Variants in KLHL1 observed in about 807,000 individuals in gnomAD.
KLHL1 encodes kelch-like protein 1.
KLHL1 carries 47 observed loss-of-function variants against 77.7 expected under a neutral mutation model. The ratio of observed to expected loss-of-function variants is 0.60; its 90% confidence interval spans 0.48 to 0.77. The LOEUF is 0.77. Ranked by LOEUF, KLHL1 falls within the 30% of genes least tolerant of loss-of-function variation. The pLI is 0.00. For synonymous variants in KLHL1, 360 were observed against 325.2 expected, an observed-to-expected ratio of 1.11 and a Z score of -1.15; for missense variants, 925 against 910.8, an observed-to-expected ratio of 1.02 and a Z score of -0.20.
chr13:69,785,513 G>T (rs7991370), intron 7 of KLHL1, among the ~76,000 whole-genome samples: 67,801 of 151,606 alleles, frequency 0.45, 15,742 homozygotes, highest in African/African-American at 0.56. Context: ...GCAGTGTGTG[G>T]GTAGAGGGAA....
intron 1 of KLHL1, among the ~76,000 whole-genome samples, chr13:70,010,924 T>G (rs1355732580): frequency 1.3e-5 from 2 of 150,766 alleles, no homozygotes; most frequent in East Asian, 3.9e-4. Context: ...TAAAATAAAA[T>G]AAAATAAAGA....
chr13:70,006,001 C>A (rs938230593), intron 1 of KLHL1, among the ~76,000 whole-genome samples: 1 of 151,944 alleles, frequency 6.6e-6, no homozygotes, highest in African/African-American at 2.4e-5. Flanking sequence ...TATTTAGCAA[C>A]GATGCTCCAT....
At chr13:69,750,522 G>T (rs1343151973) in intron 7 of KLHL1, among the ~76,000 whole-genome samples, 2 of 151,590 alleles carry the variant, frequency 1.3e-5, no homozygotes, top group Non-Finnish European at 2.9e-5. Flanking sequence ...GTATATATAT[G>T]CATGTGTATA....
rs1289629245 is a variant in KLHL1, at chr13:69,995,922, A to G, written c.498-20120T>C. 2.6e-5 allele frequency among the ~76,000 whole-genome samples: 4 copies of G among 152,154 alleles called. No homozygotes were observed. In the East Asian group the frequency reaches 5.8e-4, roughly 22 times the overall value. ...AGGTGTATTAAGAAAGAATGTGTCA[A>G]TTGAACTATCACCAGGCACCTAACA... is the stretch of plus-strand genomic sequence containing the variant. On this transcript the variant is annotated intron_variant, in intron 1 of 10. Coordinates refer to ENST00000377844, the MANE Select transcript of KLHL1 (RefSeq NM_020866.3).
intron 3 of KLHL1, among the ~76,000 whole-genome samples, chr13:69,954,326 A>C (rs187998356): frequency 5.0e-4 from 76 of 151,436 alleles, no homozygotes; most frequent in Admixed American, 1.1e-3. Flanking sequence ...AAAAAGCCTA[A>C]GAAAATATAG....
In KLHL1 at chr13:69,902,572, A is replaced by G. The variant is rs1324269154; in HGVS notation, c.1015-20077T>C. Reference sequence around the variant, plus strand: ...ATATATACACCACGGAATACCATGCAACTACAAAAAATGATGAGTTCATGT... The same window carrying G: ...ATATATACACCACGGAATACCATGCGACTACAAAAAATGATGAGTTCATGT... On this transcript the variant is annotated intron_variant, in intron 4 of 10. Transcript: ENST00000377844. 2.0e-5 allele frequency among the ~76,000 whole-genome samples: 3 copies of G among 152,164 alleles called. No homozygotes were observed. The East Asian group carries it at 5.8e-4, about 29-fold the overall frequency.
intron 6 of KLHL1, among the ~76,000 whole-genome samples, chr13:69,800,248 A>G (rs1877315948): frequency 6.6e-6 from 1 of 152,172 alleles, no homozygotes; most frequent in South Asian, 2.1e-4. Context: ...TAATCTGTTT[A>G]TGTTAAATTC....
chr13:69,892,238 A>G (rs929153996), intron 4 of KLHL1, among the ~76,000 whole-genome samples: 25 of 152,164 alleles, frequency 1.6e-4, no homozygotes, highest in African/African-American at 6.0e-4. Flanking sequence ...TAAAAGCCAT[A>G]TGTTTTTAAC....
intron 7 of KLHL1, among the ~76,000 whole-genome samples, chr13:69,770,513 T>C (rs1875513326): frequency 6.6e-6 from 1 of 152,248 alleles, no homozygotes; most frequent in Non-Finnish European, 1.5e-5. Context: ...TTTTTAAATT[T>C]TTTTGTTGAA....
intron 4 of KLHL1, 117 bp from the exon 5 acceptor site, chr13:69,882,612 G>A: frequency 1.5e-6 from 1 of 672,390 alleles, no homozygotes; most frequent in Non-Finnish European, 2.5e-6. Context: ...CATAATCCTT[G>A]AGACTCGATC....
rs558880036 is a variant in KLHL1 at position 69,867,966 on chromosome 13, A to C, written c.1227+14317T>G. The stretch of plus-strand genomic sequence containing the variant: ...ATGTATACATATGTAACTAACCTGC[A>C]CGTTGTGCACATGTACCCTAAAACT... On this transcript the variant is annotated intron_variant, in intron 5 of 10. Coordinates refer to ENST00000377844, the MANE Select transcript of KLHL1 (RefSeq NM_020866.3). 4.7e-3 allele frequency among the ~76,000 whole-genome samples: 714 copies of C among 152,182 alleles called. 5 individuals carry two copies. Among genetic ancestry groups the C allele is most frequent in the African/African-American group, 0.017 (691 of 41,534 alleles).
intron 1 of KLHL1, among the ~76,000 whole-genome samples, chr13:70,011,840 G>C (rs1032362218): frequency 6.6e-6 from 1 of 152,102 alleles, no homozygotes; most frequent in Non-Finnish European, 1.5e-5. Context: ...TCATGCCGTT[G>C]ATAAAGACAT....
chr13:70,046,941 A>C (rs1886514999), intron 1 of KLHL1, among the ~76,000 whole-genome samples: 1 of 152,172 alleles, frequency 6.6e-6, no homozygotes, highest in Non-Finnish European at 1.5e-5. Context: ...ACAGTAACAA[A>C]CATAGGTTAC....
At chr13:70,033,604 C>CTTTTTTTTTTT (rs71116981) in intron 1 of KLHL1, among the ~76,000 whole-genome samples, 1 of 47,144 alleles carries the variant, frequency 2.1e-5, no homozygotes, top group African/African-American at 8.8e-5. Flanking sequence ...CCGCAACTGG[C>CTTTTTTTTTTT]TTTTTTTTTT....
At chr13:69,899,655 A>G (rs1881786793) in intron 4 of KLHL1, among the ~76,000 whole-genome samples, 1 of 152,152 alleles carries the variant, frequency 6.6e-6, no homozygotes. Context: ...TTAGGAACAT[A>G]CACGGCTTTC....
In KLHL1 at chr13:69,975,726, C is replaced by T; in HGVS notation, c.574G>A (p.Val192Ile). 1.2e-6 allele frequency: 2 copies of T among 1,613,534 alleles called. No individual in the cohort carries two copies. The highest frequency in any genetic ancestry group is 1.7e-6 in the Non-Finnish European group (2 of 1,179,786). ...CTGAAGGTTTGCTCAGCATGATGAACAGCTTGATAGAATTCTTCAGAGCTA... is the reference window on the plus strand; with the variant it reads ...CTGAAGGTTTGCTCAGCATGATGAATAGCTTGATAGAATTCTTCAGAGCTA... The part of the protein sequence containing the change: ...SSSSEEFYQA[V>I]HHAEQTFRKM... The change falls in exon 2 of 11, where the codon GTT becomes ATT. Residue 192 changes from valine to isoleucine, a missense_variant. By Grantham distance (29) the Val-to-Ile change is conservative. Transcript: ENST00000377844.
At chr13:69,836,214 G>A (rs1205078486) in intron 6 of KLHL1, among the ~76,000 whole-genome samples, 1 of 152,032 alleles carries the variant, frequency 6.6e-6, no homozygotes, top group East Asian at 1.9e-4. Context: ...GCAGTCTGAT[G>A]GGGCTGAAAA....
intron 6 of KLHL1, among the ~76,000 whole-genome samples, chr13:69,801,849 T>C (rs1421505053): frequency 1.3e-5 from 2 of 152,136 alleles, no homozygotes; most frequent in South Asian, 4.1e-4. Context: ...ACAATGCCCA[T>C]TGATTATTTT....
Position 69,952,022 on chromosome 13 carries a change from C to G in KLHL1, c.817+9286G>C, listed in dbSNP as rs2482577. 6.5e-3 allele frequency among the ~76,000 whole-genome samples: 979 copies of G among 151,474 alleles called. 14 individuals carry two copies. Among genetic ancestry groups the G allele is most frequent in the African/African-American group, 0.023 (934 of 41,452 alleles). Reference sequence around the variant, plus strand: ...GTTATTTCCCCTCTTGGATAGTGCACTTTGAAGCCATCTTAAGATGTGGAA... The same window carrying G: ...GTTATTTCCCCTCTTGGATAGTGCAGTTTGAAGCCATCTTAAGATGTGGAA... On this transcript the variant is annotated intron_variant, in intron 3 of 10. Transcript: ENST00000377844.
Sources: gnomAD v4.1 joint callset for allele counts (sites outside exome capture counted in the v4.1 genomes callset) on GRCh38, gnomAD v4.1.1 for gene constraint, MANE v1.5 for transcripts, NCBI Gene and HGNC (gene_info 2026-07-23, HGNC 2026-07-21) for gene names.